RALYL: variants seen among roughly 807,000 people sequenced by gnomAD.
RALYL encodes RNA-binding Raly-like protein.
Under a neutral mutation model 35.1 loss-of-function variants are expected in RALYL, and 29 were observed. That is an observed-to-expected ratio of 0.83 (90% CI 0.61 to 1.13). The LOEUF (loss-of-function observed/expected upper bound fraction) is 1.13, where lower values mean the gene tolerates loss of function less well. RALYL is among the 50% of genes most tolerant of loss of function. RALYL has a pLI of 0.00. For missense variants in RALYL, 359 were observed against 360.4 expected, an observed-to-expected ratio of 1.00 and a Z score of 0.03; for synonymous variants, 120 against 127.6, an observed-to-expected ratio of 0.94 and a Z score of 0.40.
chr8:84,512,606 T>C (rs1308657183), intron 1 of RALYL, among the ~76,000 whole-genome samples: 2 of 152,156 alleles, frequency 1.3e-5, no homozygotes, highest in Non-Finnish European at 2.9e-5. Context: ...AATATTTGCC[T>C]TGACCAATGT....
intron 1 of RALYL, among the ~76,000 whole-genome samples, chr8:84,406,238 G>A (rs1431589718): frequency 1.3e-5 from 2 of 152,016 alleles, no homozygotes; most frequent in African/African-American, 2.4e-5. Flanking sequence ...TAGTGTAAAT[G>A]TTCAATAGCC....
intron 4 of RALYL, among the ~76,000 whole-genome samples, chr8:84,848,634 G>A (rs1835173170): frequency 6.6e-6 from 1 of 152,162 alleles, no homozygotes; most frequent in Non-Finnish European, 1.5e-5. Flanking sequence ...AGAGGCTGGA[G>A]AGGCAGGAAT....
intron 1 of RALYL, among the ~76,000 whole-genome samples, chr8:84,202,369 T>G (rs1015585954): frequency 1.2e-5 from 1 of 84,578 alleles, no homozygotes; most frequent in South Asian, 4.0e-4. Flanking sequence ...TTGAAGGGAT[T>G]TTTTTTTTTT....
chr8:84,859,476 A>C (rs969729672), intron 5 of RALYL, among the ~76,000 whole-genome samples: 1 of 152,098 alleles, frequency 6.6e-6, no homozygotes, highest in African/African-American at 2.4e-5. Flanking sequence ...CTATCACATT[A>C]AAATATTTAA....
At chr8:84,472,615 C>G (rs983268000) in intron 1 of RALYL, among the ~76,000 whole-genome samples, 11 of 151,908 alleles carry the variant, frequency 7.2e-5, no homozygotes, top group Non-Finnish European at 1.3e-4. Flanking sequence ...TCATAGGGAA[C>G]TTTGAATGCA....
At chr8:84,729,602 T>G (rs1845718743) in intron 2 of RALYL, among the ~76,000 whole-genome samples, 1 of 152,110 alleles carries the variant, frequency 6.6e-6, no homozygotes, top group Admixed American at 6.6e-5. Context: ...GAAGCTGGTT[T>G]TTTGAAAGGA....
chr8:84,537,038 G>C (rs188356010), intron 2 of RALYL, among the ~76,000 whole-genome samples: 1 of 151,138 alleles, frequency 6.6e-6, no homozygotes, highest in Non-Finnish European at 1.5e-5. Flanking sequence ...ATGCAAAGTA[G>C]TTCATCAATT....
chr8:84,682,755 C>T (rs997220182), intron 2 of RALYL, among the ~76,000 whole-genome samples: 9 of 151,942 alleles, frequency 5.9e-5, no homozygotes, highest in East Asian at 1.9e-4. Flanking sequence ...GTCTTGCTAG[C>T]GGTCTATCAA....
chr8:84,376,809 G>T (rs1022244411), intron 1 of RALYL, among the ~76,000 whole-genome samples: 9 of 151,684 alleles, frequency 5.9e-5, no homozygotes, highest in Non-Finnish European at 8.8e-5. Context: ...GACCTTGGGG[G>T]TCAGCTGGAT....
intron 2 of RALYL, among the ~76,000 whole-genome samples, chr8:84,674,737 C>G (rs950516523): frequency 4.6e-5 from 7 of 152,114 alleles, no homozygotes; most frequent in Non-Finnish European, 1.5e-5. Context: ...GGAGAATACT[C>G]AATAAAATTT....
intron 3 of RALYL, among the ~76,000 whole-genome samples, chr8:84,788,915 G>T (rs1820171932): frequency 6.6e-6 from 1 of 152,216 alleles, no homozygotes; most frequent in South Asian, 2.1e-4. Flanking sequence ...GTGTGCTAAA[G>T]GCAGTTCTTA....
chr8:84,464,673 G>C (rs1481954384), intron 1 of RALYL, among the ~76,000 whole-genome samples: 1 of 151,984 alleles, frequency 6.6e-6, no homozygotes, highest in East Asian at 1.9e-4. Context: ...GGATGGCTGG[G>C]TGAAATGGTA....
At chr8:84,800,444 A>G (rs150591360) in intron 3 of RALYL, among the ~76,000 whole-genome samples, 15 of 152,334 alleles carry the variant, frequency 9.8e-5, no homozygotes, top group African/African-American at 3.6e-4. Context: ...TTTAGTTTTT[A>G]TTAAATAAAA....
chr8:84,226,771 C>T (rs1035545877), intron 1 of RALYL, among the ~76,000 whole-genome samples: 15 of 152,086 alleles, frequency 9.9e-5, no homozygotes, highest in South Asian at 4.1e-4. Context: ...TTTCTCTATA[C>T]GGTGTTTAAG....
chr8:84,399,702 G>A (rs951914123), intron 1 of RALYL, among the ~76,000 whole-genome samples: 7 of 152,146 alleles, frequency 4.6e-5, no homozygotes, highest in Non-Finnish European at 8.8e-5. Flanking sequence ...GAATTACATT[G>A]TAATTACATT....
At chr8:84,551,663 T>C (rs529667931) in intron 2 of RALYL, among the ~76,000 whole-genome samples, 1 of 151,946 alleles carries the variant, frequency 6.6e-6, no homozygotes, top group African/African-American at 2.4e-5. Context: ...TTAATAGCAG[T>C]GAGGGATTAT....
chr8:84,237,309 G>A (rs1826808559), intron 1 of RALYL, among the ~76,000 whole-genome samples: 1 of 152,138 alleles, frequency 6.6e-6, no homozygotes, highest in South Asian at 2.1e-4. Context: ...GCAGCTGGTG[G>A]ATGAGACCAC....
At chr8:84,779,642 A>G (rs1817633541) in intron 3 of RALYL, among the ~76,000 whole-genome samples, 2 of 152,226 alleles carry the variant, frequency 1.3e-5, no homozygotes, top group South Asian at 4.1e-4. Context: ...GATAACCTAC[A>G]GTTACAGCCA....
intron 2 of RALYL, among the ~76,000 whole-genome samples, chr8:84,562,240 A>G (rs1235511313): frequency 2.0e-5 from 3 of 151,914 alleles, no homozygotes; most frequent in Non-Finnish European, 4.4e-5. Context: ...TTTTAATTGC[A>G]TGTGATCTTA....
Sources: gnomAD v4.1 joint callset for allele counts (sites outside exome capture counted in the v4.1 genomes callset) on GRCh38, gnomAD v4.1.1 for gene constraint, MANE v1.5 for transcripts, NCBI Gene and HGNC (gene_info 2026-07-23, HGNC 2026-07-21) for gene names.